The following PTPRD variants were observed in gnomAD, a reference collection of about 807,000 sequenced individuals.
PTPRD encodes protein tyrosine phosphatase receptor type D, also known as receptor-type tyrosine-protein phosphatase delta.
In PTPRD, 34 loss-of-function variants were observed where a neutral mutation model predicts 214.5. The ratio of observed to expected loss-of-function variants is 0.16; its 90% CI spans 0.12 to 0.21. The LOEUF is 0.21. Among genes scored for constraint, PTPRD ranks in the 10% least tolerant of loss-of-function variants. The pLI is 1.00. For synonymous variants in PTPRD, 1,128 were observed against 845.7 expected, an observed-to-expected ratio of 1.33 and a Z score of -5.79; for missense variants, 2,545 against 2,398.7, an observed-to-expected ratio of 1.06 and a Z score of -1.27.
chr9:9,389,433 C>T (rs987534581), intron 9 of PTPRD, among the ~76,000 whole-genome samples: 14 of 152,092 alleles, frequency 9.2e-5, no homozygotes, highest in Admixed American at 9.2e-4. Flanking sequence ...TTGCTTGAAC[C>T]CGGGAGGCAG....
At chr9:8,429,625 G>C (rs12335696) in intron 35 of PTPRD, among the ~76,000 whole-genome samples, 1 of 152,066 alleles carries the variant, frequency 6.6e-6, no homozygotes, top group Non-Finnish European at 1.5e-5. Context: ...TCATATAAAA[G>C]GGTCATTATC....
chr9:8,984,591 T>C (rs1041534221), intron 11 of PTPRD, among the ~76,000 whole-genome samples: 4 of 152,102 alleles, frequency 2.6e-5, no homozygotes, highest in Admixed American at 2.6e-4. Context: ...GTAAAATCCA[T>C]TTTTCTTCTG....
intron 7 of PTPRD, among the ~76,000 whole-genome samples, chr9:9,648,208 T>G (rs1465823824): frequency 6.6e-6 from 1 of 151,834 alleles, no homozygotes; most frequent in African/African-American, 2.4e-5. Flanking sequence ...TGTATAAATC[T>G]TATATAGCCT....
intron 6 of PTPRD, among the ~76,000 whole-genome samples, chr9:9,759,151 G>A (rs1019988248): frequency 6.6e-6 from 1 of 152,148 alleles, no homozygotes; most frequent in East Asian, 1.9e-4. Context: ...CAGGTCCCTA[G>A]CTCCTTTTTC....
chr9:9,943,067 C>T (rs1187842346), intron 4 of PTPRD, among the ~76,000 whole-genome samples: 1 of 152,128 alleles, frequency 6.6e-6, no homozygotes, highest in Non-Finnish European at 1.5e-5. Context: ...GGATGTCAGT[C>T]TTACATAGGC....
At chr9:9,071,866 C>T (rs2099744215) in intron 10 of PTPRD, among the ~76,000 whole-genome samples, 1 of 152,124 alleles carries the variant, frequency 6.6e-6, no homozygotes. Context: ...AAGTAAAGCG[C>T]TTTGTAAGTG....
chr9:9,206,793 T>TG (rs1261662916), intron 9 of PTPRD, among the ~76,000 whole-genome samples: 3 of 152,192 alleles, frequency 2.0e-5, no homozygotes, highest in African/African-American at 7.2e-5. Flanking sequence ...GGCCACAGAC[T>TG]GAAGGCTGCA....
intron 10 of PTPRD, among the ~76,000 whole-genome samples, chr9:9,108,005 T>C (rs2099801093): frequency 6.6e-6 from 1 of 152,168 alleles, no homozygotes; most frequent in African/African-American, 2.4e-5. Context: ...ATTGCTTTCT[T>C]CCTTTCTTCT....
At chr9:8,839,001 T>C (rs905501660) in intron 11 of PTPRD, among the ~76,000 whole-genome samples, 1 of 152,160 alleles carries the variant, frequency 6.6e-6, no homozygotes, top group Non-Finnish European at 1.5e-5. Flanking sequence ...GACTCATAAA[T>C]GTACCAAGAC....
At chr9:9,432,089 A>G (rs1569568278) in intron 8 of PTPRD, among the ~76,000 whole-genome samples, 3 of 149,244 alleles carry the variant, frequency 2.0e-5, no homozygotes, top group African/African-American at 7.3e-5. Context: ...TAATAATAAT[A>G]AAAGAAACAC....
intron 14 of PTPRD, among the ~76,000 whole-genome samples, chr9:8,532,270 A>C (rs1020229904): frequency 6.6e-6 from 1 of 152,068 alleles, no homozygotes; most frequent in Non-Finnish European, 1.5e-5. Flanking sequence ...TTCAACATAA[A>C]ACAAACTGTA....
At chr9:10,491,695 A>G (rs1259740124) in intron 2 of PTPRD, among the ~76,000 whole-genome samples, 1 of 151,946 alleles carries the variant, frequency 6.6e-6, no homozygotes, top group Non-Finnish European at 1.5e-5. Context: ...ACGATATGCC[A>G]CAATTTTCAG....
intron 14 of PTPRD, among the ~76,000 whole-genome samples, chr9:8,627,017 G>T (rs1245439914): frequency 2.0e-5 from 3 of 151,648 alleles, no homozygotes; most frequent in Non-Finnish European, 4.4e-5. Flanking sequence ...TGCTCAAGAA[G>T]CTTCTAGTTT....
chr9:10,104,096 T>C (rs1416823687), intron 3 of PTPRD, among the ~76,000 whole-genome samples: 2 of 151,670 alleles, frequency 1.3e-5, no homozygotes, highest in Non-Finnish European at 2.9e-5. Context: ...ATTCCACTTA[T>C]ATGAGGTACC....
intron 7 of PTPRD, among the ~76,000 whole-genome samples, chr9:9,715,246 T>A (rs995033337): frequency 6.6e-6 from 1 of 152,184 alleles, no homozygotes; most frequent in African/African-American, 2.4e-5. Flanking sequence ...TCCTACTATA[T>A]TGCGGGCAAT....
rs2154465749 is a variant in PTPRD at position 9,123,384 on chromosome 9, T to A, written c.-143+59920A>T. 2.0e-5 allele frequency among the ~76,000 whole-genome samples: 3 copies of A among 152,306 alleles called. 1 individual carries two copies. In the Middle Eastern group the frequency reaches 0.01, roughly 518 times the overall value. ...TTAGGCATGATATAAAAAGAGTATT[T>A]TTAATTTAACTCCTCAGTACAATAA... On this transcript the variant is annotated intron_variant, in intron 10 of 45. Coordinates refer to ENST00000381196, the MANE Select transcript of PTPRD (RefSeq NM_002839.4).
intron 3 of PTPRD, among the ~76,000 whole-genome samples, chr9:10,164,513 G>A (rs960724928): frequency 1.3e-4 from 19 of 151,496 alleles, no homozygotes; most frequent in African/African-American, 4.4e-4. Context: ...CAGTATGGAA[G>A]ATCTAATTGA....
chr9:8,601,929 G>C (rs941130637), intron 14 of PTPRD, among the ~76,000 whole-genome samples: 1 of 152,304 alleles, frequency 6.6e-6, no homozygotes, highest in Non-Finnish European at 1.5e-5. Context: ...GCCTGGAATG[G>C]ACCTCCAGTA....
At chr9:9,804,624 T>C (rs1174319150) in intron 5 of PTPRD, among the ~76,000 whole-genome samples, 7 of 152,052 alleles carry the variant, frequency 4.6e-5, no homozygotes, top group African/African-American at 1.7e-4. Context: ...AATTCATACA[T>C]AAAATTTTAA....
Sources: allele counts gnomAD v4.1 joint callset (sites outside exome capture counted in the v4.1 genomes callset), GRCh38; gene constraint gnomAD v4.1.1; transcripts MANE v1.5; gene names NCBI Gene and HGNC (gene_info 2026-07-23, HGNC 2026-07-21).